ARHGAP20: variants seen among roughly 807,000 people sequenced by gnomAD.
ARHGAP20 encodes rho GTPase-activating protein 20.
Under a neutral mutation model 73.7 loss-of-function variants are expected in ARHGAP20, and 34 were observed. That is an observed-to-expected ratio of 0.46 (90% confidence interval 0.35 to 0.61). ARHGAP20 has a LOEUF of 0.61. ARHGAP20 is among the 20% of genes least tolerant of loss of function. The pLI is 0.00. For missense variants in ARHGAP20, 1,314 were observed against 1,420.9 expected, an observed-to-expected ratio of 0.92 and a Z score of 1.21; for synonymous variants, 523 against 518.2, an observed-to-expected ratio of 1.01 and a Z score of -0.13.
At chr11:110,601,828 A>T (rs373887059) in intron 9 of ARHGAP20, among the ~76,000 whole-genome samples, 210 of 150,936 alleles carry the variant, frequency 1.4e-3, no homozygotes, top group African/African-American at 5.1e-3. Flanking sequence ...TACTAAAAAT[A>T]CAAAAAATAC....
chr11:110,671,301 C>T (rs902944217), intron 2 of ARHGAP20, among the ~76,000 whole-genome samples: 3 of 151,800 alleles, frequency 2.0e-5, no homozygotes, highest in African/African-American at 7.3e-5. Context: ...AACACACATT[C>T]GTGATTTAAA....
At chr11:110,637,008 C>T (rs1380575553) in intron 2 of ARHGAP20, among the ~76,000 whole-genome samples, 1 of 152,024 alleles carries the variant, frequency 6.6e-6, no homozygotes, top group Non-Finnish European at 1.5e-5. Context: ...TAGGAATTCA[C>T]CTGTTGCTTG....
chr11:110,647,036 C>G (rs1565456662), intron 2 of ARHGAP20, among the ~76,000 whole-genome samples: 1 of 151,938 alleles, frequency 6.6e-6, no homozygotes, highest in Non-Finnish European at 1.5e-5. Flanking sequence ...AATGCAGTAA[C>G]TTGAGAGAGA....
At chr11:110,708,324 A>G (rs1950586175) in intron 1 of ARHGAP20, among the ~76,000 whole-genome samples, 1 of 152,236 alleles carries the variant, frequency 6.6e-6, no homozygotes, top group Non-Finnish European at 1.5e-5. Flanking sequence ...CACTTCGGAA[A>G]AAACAATGGA....
At position 110,583,719 on chromosome 11, in the gene ARHGAP20, C is replaced by A; in HGVS notation, c.1434G>T (p.Pro478=). ...ACCTTAGGAGAACAACATTGGCTCT[C>A]GGAAGCTGGTCTAATAGCCTAAAGA... is the stretch of plus-strand genomic sequence containing the variant. The part of the protein sequence containing the change: ...NTVQRLLDQL[P]RANVVLLRYL... Residue 478 remains proline (P), a synonymous_variant, in exon 13 of 15, where the codon CCG becomes CCT. Transcript: ENST00000683387. 1 of 1,581,098 alleles carries A rather than the reference C, an allele frequency of 6.3e-7. No homozygotes were observed. Among genetic ancestry groups the A allele is most frequent in the Non-Finnish European group, 8.6e-7 (1 of 1,158,690 alleles).
In ARHGAP20 at chr11:110,615,609, A is replaced by C. The variant is rs997271503; in HGVS notation, c.504-15T>G. ...GTTCTGGAGAACTGCAATCAAAGAA[A>C]ATGGGAGAGAAAAATTAAACCACAT... On this transcript the variant is annotated splice_polypyrimidine_tract_variant and intron_variant, in intron 4 of 14. Transcript: ENST00000683387. 6.2e-7 allele frequency: 1 copy of C among 1,609,840 alleles called. No homozygotes were observed. Among genetic ancestry groups the C allele is most frequent in the Non-Finnish European group, 8.5e-7 (1 of 1,177,740 alleles).
chr11:110,593,330 T>A (rs1947875131), intron 9 of ARHGAP20, among the ~76,000 whole-genome samples: 1 of 152,226 alleles, frequency 6.6e-6, no homozygotes, highest in African/African-American at 2.4e-5. Context: ...GGTTTGCTTA[T>A]GATTTAATAC....
intron 2 of ARHGAP20, among the ~76,000 whole-genome samples, chr11:110,649,228 G>A (rs1416908392): frequency 1.6e-5 from 2 of 125,548 alleles, no homozygotes; most frequent in African/African-American, 6.2e-5. Context: ...TTTTTTTGGA[G>A]GGGGTCTTGC....
chr11:110,577,964 A>G lies in ARHGAP20; in HGVS notation c.*1406T>C. On this transcript the variant is annotated 3_prime_UTR_variant, in exon 15 of 15. Transcript: ENST00000683387. ...AAGCTAGCTTGTGAGAGAAAGGTCC[A>G]TCTGATGGTGAACTAAAGAGTTTAA... 1 of 985,592 alleles carries G rather than the reference A, an allele frequency of 1.0e-6. No individual in the cohort carries two copies. Among genetic ancestry groups the G allele is most frequent in the Non-Finnish European group, 1.2e-6 (1 of 829,888 alleles). 61.1% of individuals were successfully genotyped at this position (985,592 alleles called of 1,614,324 possible). A position where few individuals can be genotyped will look rare whatever the true frequency, so the allele number is the denominator to read the frequency against.
rs1434591675 is a variant in ARHGAP20, at chr11:110,633,724, T to TA, written c.189-2933dup. Among the ~76,000 whole-genome samples, 3 of 152,192 alleles carry TA rather than the reference T, an allele frequency of 2.0e-5. No individual in the cohort carries two copies. The East Asian group carries it at 5.8e-4, about 29-fold the overall frequency. ...TAAGTCGAGGAGCATCTGCACATTTTAGAGATTAACAAAGTTGAAGAACAA... is the reference window on the plus strand; with the variant it reads ...TAAGTCGAGGAGCATCTGCACATTTTAAGAGATTAACAAAGTTGAAGAACAA... On this transcript the variant is annotated intron_variant, in intron 2 of 14. Coordinates refer to ENST00000683387, the MANE Select transcript of ARHGAP20 (RefSeq NM_001384657.1).
chr11:110,670,157 T>G (rs957292092), intron 2 of ARHGAP20, among the ~76,000 whole-genome samples: 2 of 152,096 alleles, frequency 1.3e-5, no homozygotes, highest in African/African-American at 4.8e-5. Flanking sequence ...TGTTGGTATA[T>G]AACATATAAA....
chr11:110,606,786 G>T, intron 8 of ARHGAP20, 37 bp from the exon 9 acceptor site: 2 of 1,476,716 alleles, frequency 1.4e-6, no homozygotes, highest in African/African-American at 1.4e-5. Flanking sequence ...ACTTCAGGCT[G>T]ACTGGTACTG....
intron 2 of ARHGAP20, among the ~76,000 whole-genome samples, chr11:110,641,044 C>T (rs1030575568): frequency 2.6e-5 from 4 of 151,864 alleles, no homozygotes; most frequent in Admixed American, 6.6e-5. Context: ...GTGGACAAAT[C>T]GTTAGATAAA....
rs372592219 is a variant in ARHGAP20 at position 110,710,598 on chromosome 11, T to TAC, written c.105+1527_105+1528dup. On this transcript the variant is annotated intron_variant, in intron 1 of 14. Transcript: ENST00000683387. ...CACGTTTTATTTGGGAAGACTTGACTACACACACACACACTCCCTCCATCT... is the reference window on the plus strand; with the variant it reads ...CACGTTTTATTTGGGAAGACTTGACTACACACACACACACACTCCCTCCATCT... Among the ~76,000 whole-genome samples, 57 of 151,878 alleles carry TAC rather than the reference T, an allele frequency of 3.8e-4. 1 individual carries two copies. Among genetic ancestry groups the TAC allele is most frequent in the East Asian group, 3.7e-3 (19 of 5,180 alleles).
chr11:110,586,950 G>A (rs958175189), intron 11 of ARHGAP20, among the ~76,000 whole-genome samples: 2 of 152,032 alleles, frequency 1.3e-5, no homozygotes, highest in Non-Finnish European at 2.9e-5. Context: ...GTGATGGCTG[G>A]GTTCTAGAAA....
chr11:110,677,290 C>T (rs1286433574), intron 2 of ARHGAP20, among the ~76,000 whole-genome samples: 2 of 152,082 alleles, frequency 1.3e-5, no homozygotes, highest in African/African-American at 4.8e-5. Context: ...ATAGAAATTC[C>T]TCCCAAAAGA....
At chr11:110,703,710 A>G (rs76987548) in intron 1 of ARHGAP20, among the ~76,000 whole-genome samples, 2,580 of 152,202 alleles carry the variant, frequency 0.017, 52 homozygotes, top group African/African-American at 0.046. Context: ...ATTCTGGAGC[A>G]TCACTATGGG....
At chr11:110,666,050 C>T (rs761864674) in intron 2 of ARHGAP20, among the ~76,000 whole-genome samples, 1 of 151,974 alleles carries the variant, frequency 6.6e-6, no homozygotes, top group African/African-American at 2.4e-5. Context: ...TATACATATA[C>T]ACACACTATG....
chr11:110,608,455 G>A (rs530485859), intron 8 of ARHGAP20, among the ~76,000 whole-genome samples: 1 of 152,196 alleles, frequency 6.6e-6, no homozygotes, highest in Non-Finnish European at 1.5e-5. Flanking sequence ...AATTACTGAA[G>A]TAGCAGATAA....
Sources: gnomAD v4.1 joint callset for allele counts (sites outside exome capture counted in the v4.1 genomes callset) on GRCh38, gnomAD v4.1.1 for gene constraint, MANE v1.5 for transcripts, NCBI Gene and HGNC (gene_info 2026-07-23, HGNC 2026-07-21) for gene names.